RELB: variants seen among roughly 807,000 people sequenced by gnomAD.
RELB encodes the protein RELB proto-oncogene, NF-kB subunit, also known as transcription factor RelB.
In RELB, 14 loss-of-function variants were observed where a neutral mutation model predicts 55.4. The ratio of observed to expected loss-of-function variants is 0.25; its 90% CI spans 0.17 to 0.40. The LOEUF is 0.40. Ranked by LOEUF, RELB falls within the 10% of genes least tolerant of loss-of-function variation. The pLI is 1.00. For missense variants in RELB, 669 were observed against 830.7 expected (o/e 0.81, Z 2.39); for synonymous variants, 409 against 371.3 (o/e 1.10, Z -1.17).
intron 4 of RELB, among the ~76,000 whole-genome samples, chr19:45,012,825 G>A (rs570619893): frequency 6.6e-6 from 1 of 151,980 alleles, no homozygotes. Context: ...GAGGCGAGCG[G>A]ATCACTCGAG....
chr19:45,029,567 G>A (rs1971597189), intron 8 of RELB, among the ~76,000 whole-genome samples: 1 of 151,608 alleles, frequency 6.6e-6, no homozygotes, highest in Non-Finnish European at 1.5e-5. Flanking sequence ...ACAAAAATGA[G>A]GGCTGGGCGC....
rs184931486 is a variant in RELB at position 45,028,381 on chromosome 19, T to A, written c.887-507T>A. On this transcript the variant is annotated intron_variant, in intron 7 of 11. Coordinates refer to ENST00000221452, the MANE Select transcript of RELB (RefSeq NM_006509.4). ...GTTTGTTTTTTGTTTTGAGACGGAG[T>A]TTTCCTCTGTCACGATGGAGTGCAG... 5.9e-5 allele frequency among the ~76,000 whole-genome samples: 9 copies of A among 151,836 alleles called. No individual in the cohort carries two copies. In the East Asian group the frequency reaches 1.7e-3, roughly 29 times the overall value.
intron 2 of RELB, 57 bp from the exon 3 acceptor site, chr19:45,009,757 A>G (rs1971325939): frequency 6.3e-7 from 1 of 1,587,994 alleles, no homozygotes; most frequent in African/African-American, 1.3e-5. Context: ...AAAGATGAAA[A>G]GTTGTGACCA....
rs1194166005 is a variant in RELB at position 45,025,408 on chromosome 19, G to C, written c.742G>C (p.Asp248His). 2 of 1,611,820 alleles carry C rather than the reference G, an allele frequency of 1.2e-6. No homozygotes were observed. The highest frequency in any genetic ancestry group is 1.7e-6 in the Non-Finnish European group (2 of 1,179,088). ...TGAGCGGAAGATTCAACTGGGCATT[G>C]ACCCCTACAACGGTGAGCACCCCCT... ...AIERKIQLGI[D>H]PYNAGSLKNH... The change falls in exon 6 of 12, where the codon GAC (aspartate) becomes CAC (histidine). Residue 248 changes from aspartate to histidine, a missense_variant. Physicochemically the swap from Asp to His is moderately conservative, Grantham distance 81. This residue lies in a region of RELB where 323 missense variants were observed against 368.5 expected (regional missense o/e 0.88). Transcript: ENST00000221452.
chr19:45,009,026 G>T (rs1468264723), intron 2 of RELB, among the ~76,000 whole-genome samples: 2 of 152,156 alleles, frequency 1.3e-5, no homozygotes, highest in African/African-American at 4.8e-5. Flanking sequence ...GACAGGGCTG[G>T]GGTACAGAGC....
Position 45,025,596 on chromosome 19 carries a change from C to A in RELB, c.755-10C>A, listed in dbSNP as rs753592395. The A allele has an allele frequency of 2.5e-6, 4 of 1,613,844 alleles. No individual in the cohort carries two copies. Among genetic ancestry groups the A allele is most frequent in the Non-Finnish European group, 3.4e-6 (4 of 1,179,812 alleles). On this transcript the variant is annotated splice_polypyrimidine_tract_variant and intron_variant, in intron 6 of 11. Coordinates refer to ENST00000221452, the MANE Select transcript of RELB (RefSeq NM_006509.4). The stretch of plus-strand genomic sequence containing the variant: ...TCCCACCCTCAGCCTCCCCATATCT[C>A]CCCCGACAGCTGGGTCCCTGAAGAA...
At position 45,001,498 on chromosome 19, in the gene RELB, C is replaced by CG; in HGVS notation, c.-80dup. ...GGCGCCGCGCGTCCTGCCCGGCCTGCGGCCCCAGCCCTTGCGCCGCTCGTC... is the reference window on the plus strand; with the variant it reads ...GGCGCCGCGCGTCCTGCCCGGCCTGCGGGCCCCAGCCCTTGCGCCGCTCGTC... On this transcript the variant is annotated 5_prime_UTR_variant, in exon 1 of 12. Coordinates refer to ENST00000221452, the MANE Select transcript of RELB (RefSeq NM_006509.4). 1.6e-6 allele frequency: 1 copy of CG among 608,806 alleles called. No individual in the cohort carries two copies. The highest frequency in any genetic ancestry group is 2.3e-6 in the Non-Finnish European group (1 of 444,240). The allele number at this position is 608,806 out of a possible 1,614,324, so 37.7% of individuals were successfully genotyped here.
chr19:45,011,086 A>T lies in RELB; in HGVS notation c.164-850A>T, dbSNP rs1277623530. ...AGGCAGGTCTCAAACTCCTGACCTC[A>T]GGTGATCCGCCTGCCTCGGCCTCCC... On this transcript the variant is annotated intron_variant, in intron 3 of 11. Transcript: ENST00000221452. Among the ~76,000 whole-genome samples the T allele has an allele frequency of 2.0e-5, 3 of 152,198 alleles. No homozygotes were observed. The East Asian group carries it at 5.8e-4, about 29-fold the overall frequency.
intron 4 of RELB, among the ~76,000 whole-genome samples, chr19:45,020,380 C>T (rs1302005013): frequency 6.6e-6 from 1 of 151,790 alleles, no homozygotes; most frequent in East Asian, 1.9e-4. Context: ...CCTGTCACCA[C>T]ACCTGGCTAA....
chr19:45,007,935 T>A (rs901272805), intron 2 of RELB, among the ~76,000 whole-genome samples: 1 of 139,128 alleles, frequency 7.2e-6, no homozygotes, highest in Non-Finnish European at 1.5e-5. Flanking sequence ...GGTGCGCGGA[T>A]CATGAGGTCA....
intron 7 of RELB, among the ~76,000 whole-genome samples, chr19:45,027,026 G>A (rs541856833): frequency 2.0e-5 from 3 of 152,072 alleles, no homozygotes; most frequent in Admixed American, 6.6e-5. Context: ...TCAGGAGATC[G>A]AGACCATCCT....
chr19:45,026,624 G>C (rs534305371), intron 7 of RELB, among the ~76,000 whole-genome samples: 10 of 152,214 alleles, frequency 6.6e-5, no homozygotes, highest in Admixed American at 2.6e-4. Context: ...AACTATACCA[G>C]GCAGCCCAAG....
intron 2 of RELB, among the ~76,000 whole-genome samples, chr19:45,004,922 C>A (rs958595529): frequency 6.6e-6 from 1 of 151,976 alleles, no homozygotes; most frequent in African/African-American, 2.4e-5. Context: ...GTGATCCCAG[C>A]ACTTTGGGAG....
intron 5 of RELB, among the ~76,000 whole-genome samples, chr19:45,024,662 GC>G (rs2122464111): frequency 6.6e-6 from 1 of 152,142 alleles, no homozygotes; most frequent in South Asian, 2.1e-4. Context: ...CAATTCTCCT[GC>G]CTCAGCCTCC....
chr19:45,016,147 G>T (rs547917973), intron 4 of RELB, among the ~76,000 whole-genome samples: 1 of 152,066 alleles, frequency 6.6e-6, no homozygotes, highest in East Asian at 1.9e-4. Context: ...AGCAGGCCCG[G>T]CTAATTTTTG....
chr19:45,015,008 T>G (rs1971406280), intron 4 of RELB, among the ~76,000 whole-genome samples: 1 of 151,870 alleles, frequency 6.6e-6, no homozygotes, highest in South Asian at 2.1e-4. Flanking sequence ...GTTCAAGCGA[T>G]TCTCCTGTCT....
At chr19:45,032,051 C>T (rs1054479236) in intron 8 of RELB, among the ~76,000 whole-genome samples, 69 of 151,504 alleles carry the variant, frequency 4.6e-4, no homozygotes, top group African/African-American at 1.6e-3. Context: ...TCCTGGCCAA[C>T]GTGGTGAAAC....
chr19:45,023,393 T>TTTCCTTCC (rs58473606), intron 5 of RELB, among the ~76,000 whole-genome samples: 16,305 of 144,590 alleles, frequency 0.11, 1,102 homozygotes, highest in African/African-American at 0.13. Context: ...TGCAGTTTTC[T>TTTCCTTCC]TTCCTTCCTT....
chr19:45,037,756 G>T lies in RELB; in HGVS notation c.1706G>T (p.Gly569Val). ...CATTACCGCGAGGCGGCCTTTGGGGGCGGCCTCCTATCCCCGGGGCCTGAA... is the reference window on the plus strand; with the variant it reads ...CATTACCGCGAGGCGGCCTTTGGGGTCGGCCTCCTATCCCCGGGGCCTGAA... The part of the protein sequence containing the change: ...PNHYREAAFG[G>V]GLLSPGPEAT Residue 569 changes from glycine (G) to valine (V), a missense_variant, in exon 12 of 12, where the codon GGC (glycine) becomes GTC (valine). Gly to Val is a moderately radical substitution (Grantham distance 109). This residue lies in a region of RELB where 341 missense variants were observed against 436.8 expected (regional missense o/e 0.78). Coordinates refer to ENST00000221452, the MANE Select transcript of RELB (RefSeq NM_006509.4). The T allele has an allele frequency of 6.7e-7, 1 of 1,488,678 alleles. No individual in the cohort carries two copies. Among genetic ancestry groups the T allele is most frequent in the Non-Finnish European group, 8.9e-7 (1 of 1,122,104 alleles). 92.2% of individuals were successfully genotyped at this position (1,488,678 alleles called of 1,614,324 possible).
Sources: gnomAD v4.1 joint callset for allele counts (sites outside exome capture counted in the v4.1 genomes callset) on GRCh38, gnomAD v4.1.1 for gene constraint, gnomAD v4.1.1 regional missense constraint, MANE v1.5 for transcripts, NCBI Gene and HGNC (gene_info 2026-07-23, HGNC 2026-07-21) for gene names.